PCDHA9: variants seen among roughly 807,000 people sequenced by gnomAD.
PCDHA9 encodes protocadherin alpha 9.
Under a neutral mutation model 62.0 loss-of-function variants are expected in PCDHA9, and 62 were observed. The ratio of observed to expected loss-of-function variants is 1.00; its 90% confidence interval spans 0.81 to 1.23. PCDHA9 has a LOEUF of 1.23. Among genes scored for constraint, PCDHA9 ranks in the 50% most tolerant of loss-of-function variants. The pLI is 0.00. For synonymous variants in PCDHA9, 557 were observed against 567.6 expected, an observed-to-expected ratio of 0.98 and a Z score of 0.27; for missense variants, 1,205 against 1,249.8, an observed-to-expected ratio of 0.96 and a Z score of 0.54.
intron 3 of PCDHA9, among the ~76,000 whole-genome samples, chr5:140,992,848 C>T (rs2097530967): frequency 6.6e-6 from 1 of 152,124 alleles, no homozygotes; most frequent in Non-Finnish European, 1.5e-5. Flanking sequence ...TGTATAACAA[C>T]CAGTTTCACT....
intron 1 of PCDHA9, chr5:140,928,844 C>G (rs782361945): frequency 6.2e-7 from 1 of 1,614,168 alleles, no homozygotes; most frequent in Admixed American, 1.7e-5. Context: ...TCCTCTGTCA[C>G]TCTGGGTGTG....
chr5:140,968,734 C>T, intron 1 of PCDHA9: 1 of 1,614,162 alleles, frequency 6.2e-7, no homozygotes, highest in Non-Finnish European at 8.5e-7. Flanking sequence ...GTAGCACTTT[C>T]AACCTGACCG....
At chr5:140,954,781 T>A (rs1312700733) in intron 1 of PCDHA9, among the ~76,000 whole-genome samples, 1 of 152,208 alleles carries the variant, frequency 6.6e-6, no homozygotes, top group Non-Finnish European at 1.5e-5. Flanking sequence ...TTTAATTAGA[T>A]CTCATTTGTC....
intron 3 of PCDHA9, among the ~76,000 whole-genome samples, chr5:140,984,074 A>T (rs1554245949): frequency 6.6e-6 from 1 of 152,268 alleles, no homozygotes; most frequent in African/African-American, 2.4e-5. Context: ...AGTGCCAACG[A>T]TGGAGTGAAG....
At chr5:140,981,169 C>T (rs2096920797) in intron 2 of PCDHA9, among the ~76,000 whole-genome samples, 1 of 152,170 alleles carries the variant, frequency 6.6e-6, no homozygotes, top group Admixed American at 6.5e-5. Context: ...GTTGCCTTCC[C>T]TCTAATAGTT....
rs2150467909 is a variant in PCDHA9, at chr5:140,850,110, G to A, written c.1615G>A (p.Asp539Asn). The A allele has an allele frequency of 3.1e-6, 5 of 1,596,146 alleles. No individual in the cohort carries two copies. The East Asian group carries it at 8.9e-5, about 28-fold the overall frequency. Reference sequence around the variant, plus strand: ...GCTACAGTTCCAGGTGAGCGCGCGCGACGCGGGCGTGCCGCCTCTGGGCAG... The same window carrying A: ...GCTACAGTTCCAGGTGAGCGCGCGCAACGCGGGCGTGCCGCCTCTGGGCAG... Reference protein sequence around the residue: ...ELLQFQVSARDAGVPPLGSNV... With the variant: ...ELLQFQVSARNAGVPPLGSNV... The change falls in exon 1 of 4, where the codon GAC becomes AAC. Residue 539 changes from aspartate to asparagine, a missense_variant. By Grantham distance (23) the Asp-to-Asn change is conservative (BLOSUM62 1). Coordinates refer to ENST00000532602, the MANE Select transcript of PCDHA9 (RefSeq NM_031857.2).
At chr5:141,002,757 A>G (rs1234528731) in intron 3 of PCDHA9, among the ~76,000 whole-genome samples, 1 of 152,224 alleles carries the variant, frequency 6.6e-6, no homozygotes, top group African/African-American at 2.4e-5. Context: ...CAACCCTGTG[A>G]TGTAGACAGG....
intron 1 of PCDHA9, among the ~76,000 whole-genome samples, chr5:140,922,192 T>A (rs1279791359): frequency 6.6e-6 from 1 of 152,158 alleles, no homozygotes; most frequent in East Asian, 1.9e-4. Context: ...AAAAGTCTTA[T>A]CTTTAATGAA....
Position 140,849,815 on chromosome 5 carries a change from G to A in PCDHA9, c.1320G>A (p.Arg440=), listed in dbSNP as rs2150451415. Residue 440 remains arginine, a synonymous_variant, in exon 1 of 4, where the codon AGG becomes AGA. Transcript: ENST00000532602. ...CGCCTTCACTGTGGGCCACGGCCAGGGTGTCTGTGGAGGTGGCCGACGTGA... is the reference window on the plus strand; with the variant it reads ...CGCCTTCACTGTGGGCCACGGCCAGAGTGTCTGTGGAGGTGGCCGACGTGA... ...GGSPSLWATA[R]VSVEVADVND... is the part of the protein sequence containing the mutation. 1.8e-4 allele frequency: 280 copies of A among 1,598,402 alleles called. 16 individuals carry two copies. In the South Asian group the frequency reaches 3.0e-3, roughly 17 times the overall value.
chr5:140,883,320 C>T, intron 1 of PCDHA9: 1 of 1,614,112 alleles, frequency 6.2e-7, no homozygotes, highest in Non-Finnish European at 8.5e-7. Flanking sequence ...CCAGAGGTTA[C>T]CATCACTTCT....
rs983313958 is a variant in PCDHA9 at position 140,856,486 on chromosome 5, G to A, written c.2394+5597G>A. The A allele has an allele frequency of 4.4e-6, 7 of 1,598,346 alleles. No homozygotes were observed. The Middle Eastern group carries it at 1.0e-3, about 228-fold the overall frequency. On this transcript the variant is annotated intron_variant, in intron 1 of 3. Transcript: ENST00000532602. ...AGCTCTCAATACCTGAATCCAGACTGCTTGACTCTCGATTTCCACTAGAAG... is the reference window on the plus strand; with the variant it reads ...AGCTCTCAATACCTGAATCCAGACTACTTGACTCTCGATTTCCACTAGAAG...
intron 3 of PCDHA9, among the ~76,000 whole-genome samples, chr5:140,996,816 A>G (rs1587722851): frequency 6.6e-6 from 1 of 152,264 alleles, no homozygotes; most frequent in Non-Finnish European, 1.5e-5. Flanking sequence ...TTCCAAAAGT[A>G]ACCACTACCA....
chr5:140,929,080 A>T, intron 1 of PCDHA9: 1 of 1,614,180 alleles, frequency 6.2e-7, no homozygotes, highest in Non-Finnish European at 8.5e-7. Flanking sequence ...GTATGGAAGT[A>T]AGATGGTTTC....
chr5:141,009,233 T>C (rs2098403082), intron 3 of PCDHA9, among the ~76,000 whole-genome samples: 1 of 152,184 alleles, frequency 6.6e-6, no homozygotes, highest in Non-Finnish European at 1.5e-5. Context: ...GGTGGGAGGA[T>C]CTCTTGAGCT....
At chr5:140,867,200 A>G (rs1239575601) in intron 1 of PCDHA9, 1 of 152,126 alleles carries the variant, frequency 6.6e-6, no homozygotes, top group African/African-American at 2.4e-5. Context: ...TCCACATTCC[A>G]TGTAACATCT....
intron 1 of PCDHA9, chr5:140,928,687 C>A (rs782599747): frequency 6.2e-7 from 1 of 1,614,142 alleles, no homozygotes. Context: ...GCTTTCCTAC[C>A]ACATCTCCCG....
chr5:141,006,429 G>C (rs541690957), intron 3 of PCDHA9, among the ~76,000 whole-genome samples: 7 of 152,004 alleles, frequency 4.6e-5, no homozygotes, highest in Non-Finnish European at 1.0e-4. Flanking sequence ...TAGCCAGGAT[G>C]GTCTCAATCT....
chr5:140,976,545 T>C (rs781810490), intron 1 of PCDHA9, among the ~76,000 whole-genome samples: 1 of 152,078 alleles, frequency 6.6e-6, no homozygotes, highest in Non-Finnish European at 1.5e-5. Flanking sequence ...AGTAAGACCC[T>C]ATCTCATAAA....
At chr5:140,997,406 C>T (rs2097769706) in intron 3 of PCDHA9, among the ~76,000 whole-genome samples, 1 of 152,094 alleles carries the variant, frequency 6.6e-6, no homozygotes, top group Admixed American at 6.6e-5. Flanking sequence ...TATCGTATGG[C>T]CTATTTCTCC....
Sources: gnomAD v4.1 joint callset for allele counts (sites outside exome capture counted in the v4.1 genomes callset) on GRCh38, gnomAD v4.1.1 for gene constraint, MANE v1.5 for transcripts, NCBI Gene and HGNC (gene_info 2026-07-23, HGNC 2026-07-21) for gene names.